Variants in ADARB1 observed in about 807,000 individuals in gnomAD.
ADARB1 encodes double-stranded RNA-specific editase 1.
Under a neutral mutation model 52.4 loss-of-function variants are expected in ADARB1, and 10 were observed. The ratio of observed to expected loss-of-function variants is 0.19; its 90% CI spans 0.12 to 0.32. ADARB1 has a LOEUF of 0.32. Among genes scored for constraint, ADARB1 ranks in the 10% least tolerant of loss-of-function variants. The pLI is 1.00. For missense variants in ADARB1, 643 were observed against 922.3 expected, an observed-to-expected ratio of 0.70 and a Z score of 3.92; for synonymous variants, 349 against 371.1, an observed-to-expected ratio of 0.94 and a Z score of 0.68.
intron 1 of ADARB1, among the ~76,000 whole-genome samples, chr21:45,113,290 T>G (rs2087632134): frequency 6.6e-6 from 1 of 151,920 alleles, no homozygotes; most frequent in South Asian, 2.1e-4. Flanking sequence ...AGGCGTGGTG[T>G]TGCACACCTG....
chr21:45,099,021 C>T (rs1292137523), intron 1 of ADARB1, among the ~76,000 whole-genome samples: 2 of 152,146 alleles, frequency 1.3e-5, no homozygotes, highest in African/African-American at 4.8e-5. Context: ...ATTGTTTTCC[C>T]TCAGCAGAGC....
At chr21:45,162,527 G>A (rs892845206) in intron 2 of ADARB1, among the ~76,000 whole-genome samples, 1 of 152,170 alleles carries the variant, frequency 6.6e-6, no homozygotes, top group African/African-American at 2.4e-5. Context: ...GGGTAAAGGC[G>A]CCACCAGTGA....
At chr21:45,123,957 A>T (rs1007464130) in intron 1 of ADARB1, among the ~76,000 whole-genome samples, 5 of 152,216 alleles carry the variant, frequency 3.3e-5, no homozygotes, top group Non-Finnish European at 7.3e-5. Context: ...CCATGTAAGA[A>T]TGCATCCCCA....
intron 3 of ADARB1, among the ~76,000 whole-genome samples, chr21:45,173,115 C>T (rs927589076): frequency 2.6e-5 from 4 of 152,294 alleles, no homozygotes; most frequent in African/African-American, 9.6e-5. Context: ...GCTTTGTGAT[C>T]GTGTAGGTTC....
chr21:45,146,255 A>G (rs1344524517), intron 2 of ADARB1: 1 of 152,282 alleles, frequency 6.6e-6, no homozygotes, highest in Non-Finnish European at 1.5e-5. Context: ...GTTTAGGCAT[A>G]CTTTGCAAGT....
At chr21:45,081,056 A>G (rs1306399952) in intron 1 of ADARB1, among the ~76,000 whole-genome samples, 1 of 151,170 alleles carries the variant, frequency 6.6e-6, no homozygotes, top group Non-Finnish European at 1.5e-5. Flanking sequence ...TGAAATGTGA[A>G]GAAGCCTTCC....
intron 2 of ADARB1, among the ~76,000 whole-genome samples, chr21:45,150,750 G>C (rs117956785): frequency 2.0e-5 from 3 of 152,144 alleles, no homozygotes; most frequent in African/African-American, 7.2e-5. Flanking sequence ...CTGATGTCTC[G>C]TTGTTCCACC....
intron 9 of ADARB1, among the ~76,000 whole-genome samples, chr21:45,217,970 G>T (rs1023775358): frequency 6.6e-6 from 1 of 152,054 alleles, no homozygotes; most frequent in Non-Finnish European, 1.5e-5. Flanking sequence ...CTCTGGGTTT[G>T]CTTAAGATTT....
chr21:45,151,846 C>T (rs902578582), intron 2 of ADARB1, among the ~76,000 whole-genome samples: 1 of 152,226 alleles, frequency 6.6e-6, no homozygotes, highest in African/African-American at 2.4e-5. Flanking sequence ...TAGTCACAGA[C>T]TGGCTGTGCT....
intron 1 of ADARB1, among the ~76,000 whole-genome samples, chr21:45,075,058 G>A (rs1433049400): frequency 9.3e-5 from 14 of 151,082 alleles, no homozygotes; most frequent in Admixed American, 4.6e-4. Flanking sequence ...AGGGCGCCGA[G>A]TCCGCGTGGG....
chr21:45,162,143 C>G (rs1470150886), intron 2 of ADARB1, among the ~76,000 whole-genome samples: 3 of 152,194 alleles, frequency 2.0e-5, no homozygotes, highest in Admixed American at 2.0e-4. Context: ...TGCAGCCCTT[C>G]AAGGAGCCCA....
At chr21:45,076,701 C>T (rs1035472466) in intron 1 of ADARB1, among the ~76,000 whole-genome samples, 11 of 152,098 alleles carry the variant, frequency 7.2e-5, no homozygotes, top group Non-Finnish European at 2.9e-5. Flanking sequence ...TTCACTTCCT[C>T]GTGAATTTAT....
chr21:45,191,479 CT>C (rs1357611834), intron 8 of ADARB1, among the ~76,000 whole-genome samples: 1 of 151,964 alleles, frequency 6.6e-6, no homozygotes, highest in Admixed American at 6.6e-5. Context: ...GTCTTAGAGC[CT>C]TTTTATTATC....
At chr21:45,134,590 G>A in intron 2 of ADARB1, 1 of 371,524 alleles carries the variant, frequency 2.7e-6, no homozygotes, top group South Asian at 2.0e-5. Flanking sequence ...GCCTGACAGA[G>A]GCGTGGCTTA....
At position 45,134,743 on chromosome 21, in the gene ADARB1, C is replaced by G. The variant is rs144000111; in HGVS notation, c.-48+6170C>G. On this transcript the variant is annotated intron_variant, in intron 2 of 10. Transcript: ENST00000348831. ...AAATTGAAATGGCCAATGAGCACAC[C>G]CTCATTCATCCAGCGAGCATTGAGG... The G allele has an allele frequency of 3.1e-3, 1,620 of 530,664 alleles. 7 individuals are homozygous for G. The highest frequency in any genetic ancestry group is 0.019 in the Middle Eastern group (59 of 3,146). 32.9% of individuals were successfully genotyped at this position (530,664 alleles called of 1,614,324 possible). A position where few individuals can be genotyped will look rare whatever the true frequency, so the allele number is the denominator to read the frequency against.
At chr21:45,180,470 C>A (rs549757704) in intron 5 of ADARB1, 26 bp downstream of exon 5, 2 of 1,564,028 alleles carry the variant, frequency 1.3e-6, no homozygotes, top group Non-Finnish European at 1.8e-6. Context: ...TTGTATGTAA[C>A]CCTGCCTGTT....
intron 1 of ADARB1, among the ~76,000 whole-genome samples, chr21:45,101,374 G>A (rs1299369617): frequency 1.3e-5 from 2 of 152,254 alleles, no homozygotes; most frequent in African/African-American, 4.8e-5. Context: ...CCCGCTGCCA[G>A]TCGCCGAGTG....
intron 1 of ADARB1, among the ~76,000 whole-genome samples, chr21:45,075,357 A>T (rs1186922775): frequency 6.6e-6 from 1 of 151,314 alleles, no homozygotes; most frequent in Non-Finnish European, 1.5e-5. Flanking sequence ...TGCGCCCGGG[A>T]TGAGGCTGGG....
At chr21:45,075,973 G>T (rs568122151) in intron 1 of ADARB1, among the ~76,000 whole-genome samples, 2 of 152,190 alleles carry the variant, frequency 1.3e-5, no homozygotes, top group African/African-American at 2.4e-5. Flanking sequence ...ATACAAATAT[G>T]TATTTAATCC....
Sources: gnomAD v4.1 joint callset for allele counts (sites outside exome capture counted in the v4.1 genomes callset) on GRCh38, gnomAD v4.1.1 for gene constraint, MANE v1.5 for transcripts, NCBI Gene and HGNC (gene_info 2026-07-23, HGNC 2026-07-21) for gene names.